The following MYH15 variants were observed in gnomAD, a reference collection of about 807,000 sequenced individuals.
The protein encoded by MYH15 is myosin-15.
MYH15 carries 227 observed loss-of-function variants against 240.5 expected under a neutral mutation model. That is an observed-to-expected ratio of 0.94 (90% CI 0.85 to 1.05). The LOEUF is 1.05. Ranked by LOEUF, MYH15 falls within the 50% of genes least tolerant of loss-of-function variation. MYH15 has a pLI of 0.00. For missense variants in MYH15, 2,217 were observed against 2,247.5 expected (o/e 0.99, Z 0.27); for synonymous variants, 785 against 796.7 (o/e 0.99, Z 0.25).
chr3:108,392,399 A>T (rs562146735), intron 36 of MYH15, among the ~76,000 whole-genome samples: 2 of 152,342 alleles, frequency 1.3e-5, no homozygotes, highest in South Asian at 4.1e-4. Flanking sequence ...GGCTCCAGGA[A>T]TTTGGCAGTA....
intron 19 of MYH15, 107 bp downstream of exon 19, chr3:108,456,659 G>T: frequency 1.3e-6 from 1 of 767,680 alleles, no homozygotes; most frequent in South Asian, 1.6e-5. Context: ...TCGATTTGTA[G>T]TCTGGAGGAC....
Position 108,510,573 on chromosome 3 carries a change from T to A in MYH15, c.-43A>T, listed in dbSNP as rs376286812. 402 of 1,591,692 alleles carry A rather than the reference T, an allele frequency of 2.5e-4. 1 individual carries two copies. Among genetic ancestry groups the A allele is most frequent in the Non-Finnish European group, 3.4e-4 (393 of 1,171,998 alleles). On this transcript the variant is annotated 5_prime_UTR_variant, in exon 1 of 41. Coordinates refer to ENST00000693548, the MANE Select transcript of MYH15 (RefSeq NM_014981.3). ...ACCAAAAAAAGGCCCTAAACGTGAGTAGGCAAGATTCAACCTGAAAAAAAA... is the reference window on the plus strand; with the variant it reads ...ACCAAAAAAAGGCCCTAAACGTGAGAAGGCAAGATTCAACCTGAAAAAAAA...
intron 1 of MYH15, chr3:108,529,250 G>C (rs1231205214): frequency 6.2e-7 from 1 of 1,602,326 alleles, no homozygotes; most frequent in Non-Finnish European, 8.5e-7. Flanking sequence ...ACATATGTTG[G>C]GAGTCCACTC....
chr3:108,537,552 C>T, the MYH15 span, among the ~76,000 whole-genome samples: 1 of 152,186 alleles, frequency 6.6e-6, no homozygotes, highest in African/African-American at 2.4e-5. Flanking sequence ...ATCTTTTGCC[C>T]TTCCACTTTC....
chr3:108,510,316 G>T, intron 1 of MYH15, 127 bp downstream of exon 1: 2 of 1,249,502 alleles, frequency 1.6e-6, no homozygotes, highest in Non-Finnish European at 2.2e-6. Flanking sequence ...TTTCCTAGAG[G>T]CTGATCATAC....
intron 25 of MYH15, among the ~76,000 whole-genome samples, chr3:108,432,410 C>T (rs2082785947): frequency 6.6e-6 from 1 of 151,374 alleles, no homozygotes; most frequent in Non-Finnish European, 1.5e-5. Context: ...AAATTTGCAG[C>T]CTGACAGTGT....
chr3:108,389,128 A>G, intron 37 of MYH15, 54 bp from the exon 38 acceptor site: 2 of 1,475,770 alleles, frequency 1.4e-6, no homozygotes, highest in South Asian at 1.2e-5. Context: ...CTGGCATTCT[A>G]TTTGCTGATT....
chr3:108,385,880 G>A (rs2082379793), intron 38 of MYH15, among the ~76,000 whole-genome samples: 1 of 151,746 alleles, frequency 6.6e-6, no homozygotes, highest in Non-Finnish European at 1.5e-5. Flanking sequence ...GTTTAGCCAA[G>A]CTATTCTCAT....
chr3:108,391,128 T>A (rs1437272857), intron 37 of MYH15, among the ~76,000 whole-genome samples: 3 of 152,228 alleles, frequency 2.0e-5, no homozygotes, highest in Non-Finnish European at 4.4e-5. Flanking sequence ...ACCTTATTTT[T>A]TAGAGGCCCT....
intron 1 of MYH15, among the ~76,000 whole-genome samples, chr3:108,516,369 G>A (rs1470754102): frequency 6.6e-6 from 1 of 152,140 alleles, no homozygotes. Flanking sequence ...TGGAGACAAT[G>A]CCTGAAAATG....
chr3:108,399,740 C>A (rs2082490025), intron 33 of MYH15, among the ~76,000 whole-genome samples: 1 of 152,170 alleles, frequency 6.6e-6, no homozygotes, highest in South Asian at 2.1e-4. Flanking sequence ...TGAGATGCAG[C>A]AATACTGCTA....
intron 1 of MYH15, among the ~76,000 whole-genome samples, chr3:108,507,226 A>AATATATATAT (rs147101810): frequency 5.6e-4 from 55 of 98,512 alleles, no homozygotes; most frequent in African/African-American, 7.3e-4. Flanking sequence ...AAGGAAAATG[A>AATATATATAT]ATATATATAT....
rs543432291 is a variant in MYH15 at position 108,485,808 on chromosome 3, C to G, written c.976-579G>C. On this transcript the variant is annotated intron_variant, in intron 10 of 40. Transcript: ENST00000693548. ...ATGTACCAAGAGACTATAAAAAATT[C>G]ATAATCCTTAGTATTTTCACTTCTA... Among the ~76,000 whole-genome samples, 3 of 152,282 alleles carry G rather than the reference C, an allele frequency of 2.0e-5. No homozygotes were observed. In the South Asian group the frequency reaches 6.2e-4, roughly 32 times the overall value.
intron 37 of MYH15, among the ~76,000 whole-genome samples, chr3:108,389,793 C>T (rs1047032416): frequency 6.6e-6 from 1 of 152,168 alleles, no homozygotes; most frequent in African/African-American, 2.4e-5. Context: ...TGGCTGCTCC[C>T]CCTGCCTAGG....
chr3:108,458,467 T>C (rs1052737267), intron 18 of MYH15, among the ~76,000 whole-genome samples: 1 of 152,160 alleles, frequency 6.6e-6, no homozygotes, highest in Non-Finnish European at 1.5e-5. Context: ...CCATAGACTG[T>C]CAGGATTGGG....
At chr3:108,500,981 G>A (rs931704643) in intron 3 of MYH15, among the ~76,000 whole-genome samples, 1 of 152,192 alleles carries the variant, frequency 6.6e-6, no homozygotes, top group African/African-American at 2.4e-5. Context: ...CCTCCAGAGG[G>A]AGTGCAGCCC....
chr3:108,430,799 A>G, intron 26 of MYH15, 33 bp downstream of exon 26: 2 of 1,510,716 alleles, frequency 1.3e-6, no homozygotes, highest in Non-Finnish European at 1.8e-6. Flanking sequence ...GGATCTAAAT[A>G]TAAATACACA....
intron 1 of MYH15, among the ~76,000 whole-genome samples, chr3:108,523,972 A>T (rs2083644864): frequency 6.6e-6 from 1 of 151,934 alleles, no homozygotes; most frequent in Non-Finnish European, 1.5e-5. Context: ...CCCTATTGAC[A>T]TTTCCAGAGG....
intron 28 of MYH15, among the ~76,000 whole-genome samples, chr3:108,418,483 A>G (rs1398888924): frequency 6.6e-6 from 1 of 152,340 alleles, no homozygotes; most frequent in Non-Finnish European, 1.5e-5. Flanking sequence ...CTTTTGCACC[A>G]TCAATACAAA....
Sources: gnomAD v4.1 joint callset for allele counts (sites outside exome capture counted in the v4.1 genomes callset) on GRCh38, gnomAD v4.1.1 for gene constraint, MANE v1.5 for transcripts, NCBI Gene and HGNC (gene_info 2026-07-23, HGNC 2026-07-21) for gene names.